The following ST6GALNAC3 variants were observed in gnomAD, a reference collection of about 807,000 sequenced individuals.
ST6GALNAC3 encodes ST6 N-acetylgalactosaminide alpha-2,6-sialyltransferase 3, also known as alpha-N-acetylgalactosaminide alpha-2,6-sialyltransferase 3.
ST6GALNAC3 carries 25 observed loss-of-function variants against 32.7 expected under a neutral mutation model. That is an observed-to-expected ratio of 0.76 (90% CI 0.56 to 1.07). The LOEUF is 1.07. Among genes scored for constraint, ST6GALNAC3 ranks in the 50% least tolerant of loss-of-function variants. The pLI, the probability that ST6GALNAC3 is intolerant of heterozygous loss-of-function variation, is 0.00. For missense variants in ST6GALNAC3, 355 were observed against 382.4 expected (o/e 0.93, Z 0.60); for synonymous variants, 129 against 133.1 (o/e 0.97, Z 0.21).
intron 2 of ST6GALNAC3, among the ~76,000 whole-genome samples, chr1:76,407,898 A>G (rs1468947099): frequency 6.6e-6 from 1 of 152,116 alleles, no homozygotes; most frequent in African/African-American, 2.4e-5. Flanking sequence ...CAAATCAAAT[A>G]ATATGAATGA....
intron 1 of ST6GALNAC3, among the ~76,000 whole-genome samples, chr1:76,128,881 CCTGTTTGAAGGTAGATTG>C (rs1172034116): frequency 1.3e-5 from 2 of 152,136 alleles, no homozygotes; most frequent in Non-Finnish European, 2.9e-5. Context: ...CAACAGCCAC[CCTGTTTGAAGGTAGATTG>C]CTTTTCCTGA....
intron 1 of ST6GALNAC3, among the ~76,000 whole-genome samples, chr1:76,236,724 G>A (rs1011536487): frequency 6.6e-6 from 1 of 152,072 alleles, no homozygotes; most frequent in Admixed American, 6.5e-5. Context: ...ATGGAAGAAG[G>A]TTTTAAAAAT....
At chr1:76,103,404 A>C (rs943138227) in intron 1 of ST6GALNAC3, among the ~76,000 whole-genome samples, 7 of 151,762 alleles carry the variant, frequency 4.6e-5, no homozygotes, top group African/African-American at 1.7e-4. Flanking sequence ...TTGTCTTTCT[A>C]TACTTTATTC....
At chr1:76,367,185 A>G (rs772778401) in intron 2 of ST6GALNAC3, among the ~76,000 whole-genome samples, 8 of 152,226 alleles carry the variant, frequency 5.3e-5, no homozygotes, top group Non-Finnish European at 1.0e-4. Flanking sequence ...ATAGTAAACT[A>G]TATGTGAAAT....
rs149583422 is a variant in ST6GALNAC3 at position 76,393,363 on chromosome 1, T to C, written c.214-18645T>C. 2.0e-4 allele frequency among the ~76,000 whole-genome samples: 31 copies of C among 152,250 alleles called. No individual in the cohort carries two copies. The East Asian group carries it at 5.8e-3, about 29-fold the overall frequency. On this transcript the variant is annotated intron_variant, in intron 2 of 4. Transcript: ENST00000328299. ...ATGGAAGGTTATTTCTGTGGGGCAG[T>C]GGGAGAACTTAGATCTGAGAAATCA...
intron 1 of ST6GALNAC3, among the ~76,000 whole-genome samples, chr1:76,242,484 A>C (rs1657025064): frequency 6.6e-6 from 1 of 152,032 alleles, no homozygotes; most frequent in South Asian, 2.1e-4. Flanking sequence ...CATGTGTAGA[A>C]TGTGCAGGTT....
At chr1:76,175,377 T>C (rs1652785512) in intron 1 of ST6GALNAC3, among the ~76,000 whole-genome samples, 1 of 152,224 alleles carries the variant, frequency 6.6e-6, no homozygotes, top group African/African-American at 2.4e-5. Context: ...TTCATGTTTT[T>C]ATTTGCATTT....
chr1:76,207,624 G>A (rs573558569), intron 1 of ST6GALNAC3, among the ~76,000 whole-genome samples: 1 of 152,124 alleles, frequency 6.6e-6, no homozygotes, highest in African/African-American at 2.4e-5. Context: ...GCCCACACCG[G>A]TGATCATGGC....
At chr1:76,308,923 C>G (rs1013295394) in intron 1 of ST6GALNAC3, among the ~76,000 whole-genome samples, 5 of 152,226 alleles carry the variant, frequency 3.3e-5, no homozygotes, top group Admixed American at 2.0e-4. Context: ...CTAGAATCAT[C>G]TCCTACCACT....
At chr1:76,108,458 A>T (rs1446800218) in intron 1 of ST6GALNAC3, among the ~76,000 whole-genome samples, 10 of 152,182 alleles carry the variant, frequency 6.6e-5, no homozygotes, top group Non-Finnish European at 8.8e-5. Flanking sequence ...GTTTAATCAC[A>T]TTCTAATCTC....
chr1:76,531,402 A>G (rs1351906029), intron 3 of ST6GALNAC3, among the ~76,000 whole-genome samples: 1 of 152,216 alleles, frequency 6.6e-6, no homozygotes, highest in Non-Finnish European at 1.5e-5. Flanking sequence ...TACACTGGGA[A>G]TGTATCAACT....
At chr1:76,297,467 A>C (rs972484258) in intron 1 of ST6GALNAC3, among the ~76,000 whole-genome samples, 2 of 152,014 alleles carry the variant, frequency 1.3e-5, no homozygotes, top group Non-Finnish European at 2.9e-5. Flanking sequence ...TGACTAAATA[A>C]ATACAGGATC....
intron 2 of ST6GALNAC3, among the ~76,000 whole-genome samples, chr1:76,329,252 A>G (rs910242074): frequency 2.0e-5 from 3 of 152,200 alleles, no homozygotes; most frequent in African/African-American, 7.2e-5. Flanking sequence ...TGCTTTTAAC[A>G]TAGAAGAATG....
intron 2 of ST6GALNAC3, among the ~76,000 whole-genome samples, chr1:76,378,172 A>T (rs930519200): frequency 6.6e-6 from 1 of 152,128 alleles, no homozygotes; most frequent in South Asian, 2.1e-4. Context: ...AGTGAAAAAA[A>T]GGTTGGATAT....
intron 3 of ST6GALNAC3, among the ~76,000 whole-genome samples, chr1:76,584,972 G>A (rs1210206520): frequency 1.3e-5 from 2 of 152,226 alleles, no homozygotes; most frequent in Non-Finnish European, 2.9e-5. Flanking sequence ...GGGTCCCAGA[G>A]TGAAGAAGAC....
chr1:76,459,874 T>G (rs1658160518), intron 3 of ST6GALNAC3, among the ~76,000 whole-genome samples: 1 of 152,222 alleles, frequency 6.6e-6, no homozygotes, highest in African/African-American at 2.4e-5. Flanking sequence ...TAACTCATTT[T>G]GTTTATTCAA....
intron 1 of ST6GALNAC3, among the ~76,000 whole-genome samples, chr1:76,149,677 CA>C (rs1248810971): frequency 2.0e-5 from 3 of 151,990 alleles, no homozygotes; most frequent in African/African-American, 7.3e-5. Context: ...TCCATTGTTC[CA>C]TTGTGTATTT....
At chr1:76,283,286 T>G (rs558072544) in intron 1 of ST6GALNAC3, among the ~76,000 whole-genome samples, 5 of 152,350 alleles carry the variant, frequency 3.3e-5, no homozygotes, top group Admixed American at 2.6e-4. Flanking sequence ...TGTTTTCTTT[T>G]TTTAAAACAA....
intron 1 of ST6GALNAC3, among the ~76,000 whole-genome samples, chr1:76,181,664 G>T (rs1011442598): frequency 6.6e-6 from 1 of 152,162 alleles, no homozygotes; most frequent in Admixed American, 6.5e-5. Context: ...ATATGGTTAT[G>T]TGCAAATATT....
Sources: gnomAD v4.1 joint callset for allele counts (sites outside exome capture counted in the v4.1 genomes callset) on GRCh38, gnomAD v4.1.1 for gene constraint, MANE v1.5 for transcripts, NCBI Gene and HGNC (gene_info 2026-07-23, HGNC 2026-07-21) for gene names.